The following ST18 variants were observed in gnomAD, a reference collection of about 807,000 sequenced individuals.
ST18 encodes the protein ST18 C2H2C-type zinc finger transcription factor.
ST18 carries 50 observed loss-of-function variants against 110.0 expected under a neutral mutation model. The observed-to-expected ratio is 0.45, with a 90% confidence interval of 0.36 to 0.58. The LOEUF (loss-of-function observed/expected upper bound fraction) is 0.58, where lower values mean the gene tolerates loss of function less well. Ranked by LOEUF, ST18 falls within the 20% of genes least tolerant of loss-of-function variation. ST18 has a pLI of 0.00. For missense variants in ST18, 1,306 were observed against 1,280.1 expected (o/e 1.02, Z -0.31); for synonymous variants, 461 against 452.4 (o/e 1.02, Z -0.24).
chr8:52,119,750 A>G (rs2043969339), intron 23 of ST18, among the ~76,000 whole-genome samples: 1 of 152,210 alleles, frequency 6.6e-6, no homozygotes, highest in African/African-American at 2.4e-5. Flanking sequence ...GCGAAGAGAA[A>G]AAAAGTAAGC....
intron 2 of ST18, among the ~76,000 whole-genome samples, chr8:52,263,668 C>A (rs534463457): frequency 6.8e-6 from 1 of 146,558 alleles, no homozygotes; most frequent in Non-Finnish European, 1.5e-5. Context: ...TAGTCTTGAA[C>A]TCCTGACCTT....
chr8:52,376,352 G>T (rs149066160), intron 2 of ST18, among the ~76,000 whole-genome samples: 183 of 152,212 alleles, frequency 1.2e-3, no homozygotes, highest in African/African-American at 4.1e-3. Context: ...CCACCACGAG[G>T]CCTCTGTGCT....
rs1564637431 is a variant in ST18 at position 52,388,972 on chromosome 8, T to TAAAA, written c.-465+20355_-465+20356insTTTT. ...CTAAAACTTAAAGTATAATAATAAT[T>TAAAA]TAAAAAAAAAAAAAAGAACAAGCAA... On this transcript the variant is annotated intron_variant, in intron 2 of 25. Transcript: ENST00000689386. Among the ~76,000 whole-genome samples the TAAAA allele has an allele frequency of 6.5e-4, 21 of 32,526 alleles. No homozygotes were observed. In the East Asian group the frequency reaches 0.013, roughly 20 times the overall value. The allele number at this position is 32,526 out of a possible 152,430, so 21.3% of individuals were successfully genotyped here. A position where few individuals can be genotyped will look rare whatever the true frequency, so the allele number is the denominator to read the frequency against.
chr8:52,273,604 C>T (rs1428199032), intron 2 of ST18, among the ~76,000 whole-genome samples: 1 of 152,110 alleles, frequency 6.6e-6, no homozygotes, highest in African/African-American at 2.4e-5. Context: ...CAACAGAAGG[C>T]TTTTATTTCT....
intron 2 of ST18, among the ~76,000 whole-genome samples, chr8:52,349,867 A>T (rs1279709797): frequency 6.6e-6 from 1 of 151,750 alleles, no homozygotes; most frequent in African/African-American, 2.4e-5. Flanking sequence ...AAGGAGGGAG[A>T]GTAGGGGGTC....
chr8:52,373,318 C>T (rs933725682), intron 2 of ST18, among the ~76,000 whole-genome samples: 3 of 152,270 alleles, frequency 2.0e-5, no homozygotes, highest in Non-Finnish European at 4.4e-5. Context: ...CCACCTCCAA[C>T]TTATGGTTAC....
intron 2 of ST18, among the ~76,000 whole-genome samples, chr8:52,318,067 AG>A (rs1275421991): frequency 2.0e-5 from 3 of 152,228 alleles, no homozygotes; most frequent in Non-Finnish European, 4.4e-5. Context: ...GCACAGCAAA[AG>A]AAACTATCAA....
chr8:52,226,713 T>G (rs2089565819), intron 3 of ST18, among the ~76,000 whole-genome samples: 1 of 152,214 alleles, frequency 6.6e-6, no homozygotes, highest in Admixed American at 6.5e-5. Flanking sequence ...AAATGTGCTA[T>G]TTTCAGTAAA....
chr8:52,210,725 A>C (rs1279539014), intron 8 of ST18, among the ~76,000 whole-genome samples: 2 of 152,144 alleles, frequency 1.3e-5, no homozygotes, highest in Non-Finnish European at 2.9e-5. Flanking sequence ...CTTAAGACAA[A>C]ATTGATTACA....
At chr8:52,261,549 G>A (rs141259235) in intron 2 of ST18, among the ~76,000 whole-genome samples, 3 of 152,214 alleles carry the variant, frequency 2.0e-5, no homozygotes, top group African/African-American at 4.8e-5. Context: ...CAGATTTTAC[G>A]ATTCTGGTTC....
intron 14 of ST18, among the ~76,000 whole-genome samples, chr8:52,160,464 G>C (rs1358683116): frequency 6.6e-6 from 1 of 152,178 alleles, no homozygotes; most frequent in Non-Finnish European, 1.5e-5. Context: ...TAAACATTCT[G>C]TGCTCTTAAG....
intron 17 of ST18, among the ~76,000 whole-genome samples, chr8:52,138,784 C>T (rs1199423796): frequency 6.6e-6 from 1 of 152,242 alleles, no homozygotes; most frequent in Admixed American, 6.5e-5. Flanking sequence ...ACATCAACTA[C>T]ACCAGTCACG....
At position 52,367,427 on chromosome 8, in the gene ST18, A is replaced by G. The variant is rs138709764; in HGVS notation, c.-465+41901T>C. On this transcript the variant is annotated intron_variant, in intron 2 of 25. Coordinates refer to ENST00000689386, the MANE Select transcript of ST18 (RefSeq NM_001352837.2). ...ATAGAGTGAGACTTTGTCTCGAAAA[A>G]ATAAAACTTAAAAATTAAAAAATTT... Among the ~76,000 whole-genome samples the G allele has an allele frequency of 4.6e-3, 693 of 152,272 alleles. 8 individuals carry two copies. The highest frequency in any genetic ancestry group is 0.017 in the Middle Eastern group (5 of 294).
intron 2 of ST18, among the ~76,000 whole-genome samples, chr8:52,335,985 A>C (rs1811875948): frequency 6.6e-6 from 1 of 151,826 alleles, no homozygotes; most frequent in South Asian, 2.1e-4. Context: ...CTCTTGTCCC[A>C]TTATCTCCCC....
intron 14 of ST18, 131 bp downstream of exon 14, chr8:52,161,244 A>T: frequency 1.2e-6 from 1 of 847,252 alleles, no homozygotes; most frequent in Admixed American, 3.1e-5. Context: ...TTTCACTTGA[A>T]TATATTTTCT....
intron 8 of ST18, among the ~76,000 whole-genome samples, chr8:52,184,741 G>T (rs968428358): frequency 6.6e-6 from 1 of 152,098 alleles, no homozygotes; most frequent in South Asian, 2.1e-4. Context: ...TAAAATGTAG[G>T]TTCAGCAATA....
intron 2 of ST18, among the ~76,000 whole-genome samples, chr8:52,344,620 C>T (rs984608281): frequency 2.0e-5 from 3 of 152,104 alleles, no homozygotes; most frequent in South Asian, 2.1e-4. Context: ...AGGCTGGTCA[C>T]GAACCCCTGA....
chr8:52,334,815 C>T (rs547615388), intron 2 of ST18, among the ~76,000 whole-genome samples: 1 of 152,316 alleles, frequency 6.6e-6, no homozygotes, highest in African/African-American at 2.4e-5. Flanking sequence ...TTGCTCATTT[C>T]TCTCAGCAAA....
At chr8:52,132,849 C>G (rs1235354248) in intron 21 of ST18, among the ~76,000 whole-genome samples, 1 of 152,124 alleles carries the variant, frequency 6.6e-6, no homozygotes, top group East Asian at 1.9e-4. Context: ...CTTTTTAAAA[C>G]AATCTTTTGC....
Sources: allele counts gnomAD v4.1 joint callset (sites outside exome capture counted in the v4.1 genomes callset), GRCh38; gene constraint gnomAD v4.1.1; transcripts MANE v1.5; gene names NCBI Gene and HGNC (gene_info 2026-07-23, HGNC 2026-07-21).